The following CNTNAP2 variants were observed in gnomAD, a reference collection of about 807,000 sequenced individuals.
The protein encoded by CNTNAP2 is contactin associated protein 2.
A neutral mutation model predicts 155.2 loss-of-function variants in CNTNAP2; 98 were observed. The ratio of observed to expected loss-of-function variants is 0.63; its 90% confidence interval spans 0.54 to 0.75. The LOEUF is 0.75. CNTNAP2 is among the 30% of genes least tolerant of loss of function. The probability of loss-of-function intolerance (pLI) is 0.00; values close to 1 mark genes in which losing one functional copy is unlikely to be tolerated. For missense variants in CNTNAP2, 1,727 were observed against 1,688.1 expected (o/e 1.02, Z -0.40); for synonymous variants, 651 against 631.2 (o/e 1.03, Z -0.47).
rs1317508500 is a variant in CNTNAP2 at position 148,061,960 on chromosome 7, T to C, written c.2384-56158T>C. On this transcript the variant is annotated intron_variant, in intron 15 of 23. Transcript: ENST00000361727. ...AGATAGATAGATAAACAGATATAGA[T>C]AGATAGATAGATAGATAGATAGATA... Among the ~76,000 whole-genome samples, 184 of 70,834 alleles carry C rather than the reference T, an allele frequency of 2.6e-3. 1 individual carries two copies. Among genetic ancestry groups the C allele is most frequent in the African/African-American group, 0.013 (159 of 12,294 alleles). The allele number at this position is 70,834 out of a possible 152,430, so 46.5% of individuals were successfully genotyped here. A position where few individuals can be genotyped will look rare whatever the true frequency, so the allele number is the denominator to read the frequency against.
At chr7:148,056,850 C>T (rs374407089) in intron 15 of CNTNAP2, among the ~76,000 whole-genome samples, 5 of 152,088 alleles carry the variant, frequency 3.3e-5, no homozygotes, top group African/African-American at 4.8e-5. Flanking sequence ...ACTTGAAGGG[C>T]GATTTAAGAG....
At chr7:147,732,181 T>TCCCCCCCCCCCCCC (rs199519152) in intron 13 of CNTNAP2, among the ~76,000 whole-genome samples, 90 of 108,554 alleles carry the variant, frequency 8.3e-4, no homozygotes, top group Non-Finnish European at 9.9e-4. Flanking sequence ...ATGCTATCCC[T>TCCCCCCCCCCCCCC]CCCCCCCCCA....
chr7:146,360,209 C>T (rs375849613), intron 1 of CNTNAP2, among the ~76,000 whole-genome samples: 8 of 152,290 alleles, frequency 5.3e-5, no homozygotes, highest in African/African-American at 1.9e-4. Flanking sequence ...GTACACTTCC[C>T]TTGCCTCCTT....
intron 1 of CNTNAP2, among the ~76,000 whole-genome samples, chr7:146,410,532 C>A (rs1340620141): frequency 6.6e-6 from 1 of 151,980 alleles, no homozygotes; most frequent in Admixed American, 6.6e-5. Flanking sequence ...CAGGGGGAGA[C>A]GTGCAGGCTT....
intron 11 of CNTNAP2, among the ~76,000 whole-genome samples, chr7:147,508,694 A>G (rs2116684570): frequency 6.6e-6 from 1 of 152,314 alleles, no homozygotes; most frequent in South Asian, 2.1e-4. Flanking sequence ...TCATAGGGGC[A>G]GATTTTCCCG....
intron 8 of CNTNAP2, among the ~76,000 whole-genome samples, chr7:147,227,708 A>C (rs1019862455): frequency 6.6e-6 from 1 of 152,206 alleles, no homozygotes; most frequent in African/African-American, 2.4e-5. Context: ...TTTTGGGTTC[A>C]GTATCAGGAC....
At chr7:147,603,871 GAGATAT>G (rs1176744478) in intron 12 of CNTNAP2, among the ~76,000 whole-genome samples, 1 of 152,094 alleles carries the variant, frequency 6.6e-6, no homozygotes, top group African/African-American at 2.4e-5. Flanking sequence ...TACTAAAACA[GAGATAT>G]AGATCAATGG....
intron 1 of CNTNAP2, among the ~76,000 whole-genome samples, chr7:146,721,174 A>G (rs1801294944): frequency 7.6e-6 from 1 of 132,352 alleles, no homozygotes; most frequent in South Asian, 2.4e-4. Flanking sequence ...CTCTCTATAT[A>G]TTCCATATAT....
chr7:147,075,686 G>T (rs892411886), intron 4 of CNTNAP2, among the ~76,000 whole-genome samples: 3 of 151,632 alleles, frequency 2.0e-5, no homozygotes, highest in Non-Finnish European at 4.4e-5. Context: ...CAACGTGCAG[G>T]TTTGTTACAT....
intron 14 of CNTNAP2, among the ~76,000 whole-genome samples, chr7:147,919,314 C>T (rs947682032): frequency 5.3e-5 from 8 of 151,876 alleles, no homozygotes; most frequent in Admixed American, 3.3e-4. Flanking sequence ...ACAGGTCTCA[C>T]TGTGTCACCC....
chr7:146,117,937 A>G (rs897744433), intron 1 of CNTNAP2, among the ~76,000 whole-genome samples: 45 of 152,224 alleles, frequency 3.0e-4, no homozygotes, highest in African/African-American at 1.1e-3. Flanking sequence ...GTAAGTTGAT[A>G]AAGAATTATC....
At chr7:146,827,949 C>G (rs1359653615) in intron 2 of CNTNAP2, among the ~76,000 whole-genome samples, 1 of 152,012 alleles carries the variant, frequency 6.6e-6, no homozygotes, top group Non-Finnish European at 1.5e-5. Flanking sequence ...TTATTTTTCA[C>G]ACATAAGACT....
intron 13 of CNTNAP2, among the ~76,000 whole-genome samples, chr7:147,656,679 G>C (rs191418889): frequency 1.3e-5 from 2 of 152,046 alleles, no homozygotes. Flanking sequence ...CACCATAACA[G>C]ATGTAATAAT....
intron 1 of CNTNAP2, among the ~76,000 whole-genome samples, chr7:146,604,717 A>G (rs1284780159): frequency 1.1e-4 from 15 of 137,208 alleles, no homozygotes; most frequent in African/African-American, 3.4e-4. Flanking sequence ...AATGTGGCAC[A>G]TATACACCAT....
chr7:147,072,476 G>C (rs1047229203), intron 4 of CNTNAP2, among the ~76,000 whole-genome samples: 3 of 152,142 alleles, frequency 2.0e-5, no homozygotes, highest in African/African-American at 7.2e-5. Flanking sequence ...GTAGAGGACA[G>C]GTCTGAAGGC....
At chr7:147,495,362 G>A (rs1281818240) in intron 11 of CNTNAP2, among the ~76,000 whole-genome samples, 2 of 152,168 alleles carry the variant, frequency 1.3e-5, no homozygotes, top group Non-Finnish European at 2.9e-5. Context: ...GTAAACCTTG[G>A]TAGCTTGAAC....
intron 13 of CNTNAP2, among the ~76,000 whole-genome samples, chr7:147,789,491 G>T (rs1797788162): frequency 6.6e-6 from 1 of 152,148 alleles, no homozygotes; most frequent in African/African-American, 2.4e-5. Context: ...CCTCTGCTTT[G>T]CCCAGACATC....
intron 1 of CNTNAP2, among the ~76,000 whole-genome samples, chr7:146,538,810 A>G (rs1233547410): frequency 6.6e-6 from 1 of 152,040 alleles, no homozygotes; most frequent in East Asian, 1.9e-4. Flanking sequence ...ATAATATGAA[A>G]CTGTGATGTG....
chr7:147,800,662 T>C (rs1031068756), intron 13 of CNTNAP2, among the ~76,000 whole-genome samples: 1 of 152,176 alleles, frequency 6.6e-6, no homozygotes, highest in Non-Finnish European at 1.5e-5. Flanking sequence ...ACTGAAATCA[T>C]TGTGGGCTTC....
Sources: allele counts gnomAD v4.1 joint callset (sites outside exome capture counted in the v4.1 genomes callset), GRCh38; gene constraint gnomAD v4.1.1; transcripts MANE v1.5; gene names NCBI Gene and HGNC (gene_info 2026-07-23, HGNC 2026-07-21).